The following SH2B1 variants were observed in gnomAD, a reference collection of about 807,000 sequenced individuals.
The protein encoded by SH2B1 is SH2B adaptor protein 1, also known as SH2B adapter protein 1.
SH2B1 carries 15 observed loss-of-function variants against 62.6 expected under a neutral mutation model. That is an observed-to-expected ratio of 0.24 (90% confidence interval 0.16 to 0.37). The LOEUF (loss-of-function observed/expected upper bound fraction) is 0.37, where lower values mean the gene tolerates loss of function less well. Among genes scored for constraint, SH2B1 ranks in the 10% least tolerant of loss-of-function variants. The pLI is 1.00. For missense variants in SH2B1, 925 were observed against 1,015.6 expected (o/e 0.91, Z 1.21); for synonymous variants, 443 against 438.0 (o/e 1.01, Z -0.14).
At chr16:28,853,653 C>T (rs1962258262) in intron 1 of SH2B1, among the ~76,000 whole-genome samples, 1 of 151,532 alleles carries the variant, frequency 6.6e-6, no homozygotes, top group Admixed American at 6.6e-5. Context: ...TCACGCCCAG[C>T]CCCCAATACC....
In SH2B1 at chr16:28,872,892, A is replaced by T; in HGVS notation, c.1897+187A>T. On this transcript the variant is annotated intron_variant, in intron 7 of 7. Transcript: ENST00000684370. The surrounding 1 kb of genome is among the most constrained non-coding windows in gnomAD (Gnocchi z 5.3). ...AAGAAATGCGCTGATAGGACACAGG[A>T]AGGCAGAAGGCTCCTGGCCGGAGCC... 1 of 798,380 alleles carries T rather than the reference A, an allele frequency of 1.3e-6. No individual in the cohort carries two copies. Among genetic ancestry groups the T allele is most frequent in the Non-Finnish European group, 2.0e-6 (1 of 498,340 alleles). 49.5% of individuals were successfully genotyped at this position (798,380 alleles called of 1,614,324 possible). A position where few individuals can be genotyped will look rare whatever the true frequency, so the allele number is the denominator to read the frequency against.
chr16:28,869,515 A>T (rs1962916853), intron 4 of SH2B1, 132 bp downstream of exon 4: 2 of 766,586 alleles, frequency 2.6e-6, no homozygotes, highest in Non-Finnish European at 4.1e-6. Flanking sequence ...CCCCAACCCC[A>T]CCAAATGTTG....
At chr16:28,862,010 C>A (rs573542499), upstream of SH2B1, among the ~76,000 whole-genome samples, 1 of 152,312 alleles carries the variant, frequency 6.6e-6, no homozygotes, top group South Asian at 2.1e-4. Context: ...AGATGGTGAG[C>A]CACAGGTTCC....
intron 2 of SH2B1, among the ~76,000 whole-genome samples, 178 bp downstream of exon 2, chr16:28,867,610 T>C (rs1962790138): frequency 6.6e-6 from 1 of 152,210 alleles, no homozygotes; most frequent in South Asian, 2.1e-4. Context: ...GTTCTTACTC[T>C]CAAAAACAAT....
rs1384715265 is a variant in SH2B1, at chr16:28,864,217, C to T, written c.-1878C>T. ...GTCCGAGCCGAGAGCGGAGCCTGCA[C>T]CCTCCACCTCCCGCCCTTCGGGAAA... On this transcript the variant is annotated 5_prime_UTR_variant, in exon 1 of 8. Transcript: ENST00000684370. The T allele has an allele frequency of 1.9e-6, 2 of 1,026,630 alleles. No homozygotes were observed. Among genetic ancestry groups the T allele is most frequent in the Non-Finnish European group, 2.3e-6 (2 of 855,382 alleles). The allele number at this position is 1,026,630 out of a possible 1,614,324, so 63.6% of individuals were successfully genotyped here.
rs965697057 is a variant in SH2B1 at position 28,864,032 on chromosome 16, G to A, written c.-2063G>A. 2 of 1,395,276 alleles carry A rather than the reference G, an allele frequency of 1.4e-6. No individual in the cohort carries two copies. The highest frequency in any genetic ancestry group is 2.9e-5 in the African/African-American group (2 of 68,236). 86.4% of individuals were successfully genotyped at this position (1,395,276 alleles called of 1,614,324 possible). On this transcript the variant is annotated 5_prime_UTR_variant, in exon 1 of 8. Transcript: ENST00000684370. ...GGCGCCCGAGAGGATTCCTGGGTGG[G>A]GGTGGGCGTGGAGGGCCGGGGGCTG...
intron 1 of SH2B1, among the ~76,000 whole-genome samples, chr16:28,857,739 T>A (rs1426082428): frequency 1.2e-5 from 1 of 86,922 alleles, no homozygotes; most frequent in Admixed American, 1.1e-4. Context: ...GTGTCCGGAG[T>A]TCTTTTTTTT....
chr16:28,873,067 C>G lies in SH2B1; in HGVS notation c.1897+362C>G. The G allele has an allele frequency of 1.2e-6, 1 of 820,250 alleles. No individual in the cohort carries two copies. Among genetic ancestry groups the G allele is most frequent in the Non-Finnish European group, 1.9e-6 (1 of 532,008 alleles). 50.8% of individuals were successfully genotyped at this position (820,250 alleles called of 1,614,324 possible). ...CCTGCCCTTCCCGGGGACACTCGGT[C>G]TGATCCCCTTCCCTCCTCCCTCAAT... is the stretch of plus-strand genomic sequence containing the variant. On this transcript the variant is annotated intron_variant, in intron 7 of 7. Transcript: ENST00000684370. The surrounding 1 kb of genome is among the most constrained non-coding windows in gnomAD (Gnocchi z 4.2).
At chr16:28,862,642 G>A (rs1962486359), upstream of SH2B1, 1 of 125,764 alleles carries the variant, frequency 8.0e-6, no homozygotes, top group African/African-American at 3.0e-5. Flanking sequence ...TTGATAGGGA[G>A]TCTAGCTCTG....
chr16:28,873,977 C>T lies in SH2B1; in HGVS notation c.*157C>T. The T allele has an allele frequency of 1.5e-6, 1 of 674,504 alleles. No individual in the cohort carries two copies. 41.8% of individuals were successfully genotyped at this position (674,504 alleles called of 1,614,324 possible). A position where few individuals can be genotyped will look rare whatever the true frequency, so the allele number is the denominator to read the frequency against. ...GGTACAAGCAGAGGCTCGGGAGAGGCTCCCGTCACACACTACAGGTCCCCT... is the reference window on the plus strand; with the variant it reads ...GGTACAAGCAGAGGCTCGGGAGAGGTTCCCGTCACACACTACAGGTCCCCT... On this transcript the variant is annotated 3_prime_UTR_variant, in exon 8 of 8. Coordinates refer to ENST00000684370, the MANE Select transcript of SH2B1 (RefSeq NM_001387430.1). The surrounding 1 kb of genome is among the most constrained non-coding windows in gnomAD (Gnocchi z 4.2).
In SH2B1 at chr16:28,866,157, C is replaced by T. The variant is rs778108707; in HGVS notation, c.63C>T (p.Pro21=). 17 of 1,552,100 alleles carry T rather than the reference C, an allele frequency of 1.1e-5. No individual in the cohort carries two copies. Among genetic ancestry groups the T allele is most frequent in the Non-Finnish European group, 1.3e-5 (15 of 1,150,400 alleles). ...ASPSSPPLPP[P]PPPSWREFCE... Reference sequence around the variant, plus strand: ...CCTCGTCTCCCCCGCTGCCCCCACCCCCGCCCCCTAGTTGGCGGGAGTTCT... The same window carrying T: ...CCTCGTCTCCCCCGCTGCCCCCACCTCCGCCCCCTAGTTGGCGGGAGTTCT... The change falls in exon 1 of 8, where the codon CCC becomes CCT. Residue 21 remains proline, a synonymous_variant. Coordinates refer to ENST00000684370, the MANE Select transcript of SH2B1 (RefSeq NM_001387430.1). The surrounding 1 kb of genome is among the most constrained non-coding windows in gnomAD (Gnocchi z 6.3).
upstream of SH2B1, chr16:28,863,539 G>A: frequency 2.6e-6 from 2 of 780,084 alleles, no homozygotes; most frequent in Non-Finnish European, 4.0e-6. Context: ...CCTCAGCCGG[G>A]CCCTGGGACT....
upstream of SH2B1, among the ~76,000 whole-genome samples, chr16:28,859,109 T>G (rs1962382675): frequency 6.6e-6 from 1 of 151,904 alleles, no homozygotes; most frequent in East Asian, 2.0e-4. Flanking sequence ...ACCTGGCTAA[T>G]TTTTTTGTAT....
chr16:28,872,905 C>T lies in SH2B1; in HGVS notation c.1897+200C>T, dbSNP rs1477792200. Reference sequence around the variant, plus strand: ...ATAGGACACAGGAAGGCAGAAGGCTCCTGGCCGGAGCCGGGGCGGCAGCTG... The same window carrying T: ...ATAGGACACAGGAAGGCAGAAGGCTTCTGGCCGGAGCCGGGGCGGCAGCTG... On this transcript the variant is annotated intron_variant, in intron 7 of 7. Transcript: ENST00000684370. The surrounding 1 kb of genome is among the most constrained non-coding windows in gnomAD (Gnocchi z 5.3). 2.6e-6 allele frequency: 2 copies of T among 759,230 alleles called. No homozygotes were observed. Among genetic ancestry groups the T allele is most frequent in the African/African-American group, 1.7e-5 (1 of 57,282 alleles). 47.0% of individuals were successfully genotyped at this position (759,230 alleles called of 1,614,324 possible). A position where few individuals can be genotyped will look rare whatever the true frequency, so the allele number is the denominator to read the frequency against.
chr16:28,852,082 G>T (rs1002700321), intron 1 of SH2B1, among the ~76,000 whole-genome samples: 12 of 146,862 alleles, frequency 8.2e-5, no homozygotes, highest in African/African-American at 3.0e-4. Flanking sequence ...AAAGAAAAAA[G>T]AAATTTAAAA....
At chr16:28,867,707 A>G (rs1962798004) in intron 2 of SH2B1, among the ~76,000 whole-genome samples, 1 of 152,204 alleles carries the variant, frequency 6.6e-6, no homozygotes, top group Non-Finnish European at 1.5e-5. Context: ...GGAGTGCAGC[A>G]ACCTGATCAT....
chr16:28,864,003 C>T lies in SH2B1; in HGVS notation c.-2092C>T. ...TACCTTTTCCCTCTCCGCGACCCGG[C>T]CCTGGCGCCCGAGAGGATTCCTGGG... On this transcript the variant is annotated 5_prime_UTR_variant, in exon 1 of 8. Coordinates refer to ENST00000684370, the MANE Select transcript of SH2B1 (RefSeq NM_001387430.1). The T allele has an allele frequency of 2.1e-6, 3 of 1,412,244 alleles. No individual in the cohort carries two copies. Among genetic ancestry groups the T allele is most frequent in the Non-Finnish European group, 2.8e-6 (3 of 1,086,346 alleles). The allele number at this position is 1,412,244 out of a possible 1,614,324, so 87.5% of individuals were successfully genotyped here. A position where few individuals can be genotyped will look rare whatever the true frequency, so the allele number is the denominator to read the frequency against.
At chr16:28,870,977 G>A (rs1962991149) in intron 4 of SH2B1, among the ~76,000 whole-genome samples, 1 of 150,922 alleles carries the variant, frequency 6.6e-6, no homozygotes, top group South Asian at 2.1e-4. Flanking sequence ...GTGAGCCACT[G>A]TGTGCAGCCA....
In SH2B1 at chr16:28,852,317, C is replaced by CATATATATATTTACAT. The variant is rs1962130893; in HGVS notation, c.-301+5497_-301+5512dup. Among the ~76,000 whole-genome samples the CATATATATATTTACAT allele has an allele frequency of 6.5e-5, 3 of 45,848 alleles. 1 individual carries two copies. Among genetic ancestry groups the CATATATATATTTACAT allele is most frequent in the Non-Finnish European group, 1.2e-4 (3 of 24,766 alleles). The allele number at this position is 45,848 out of a possible 152,430, so 30.1% of individuals were successfully genotyped here. A position where few individuals can be genotyped will look rare whatever the true frequency, so the allele number is the denominator to read the frequency against. On this transcript the variant is annotated intron_variant, in intron 1 of 10. Coordinates refer to the SH2B1 transcript ENST00000322610. ...ATATATATTTACATATATATATTTA[C>CATATATATATTTACAT]ATATATATATTTACATATATATTTA...
Sources: allele counts gnomAD v4.1 joint callset (sites outside exome capture counted in the v4.1 genomes callset), GRCh38; gene constraint gnomAD v4.1.1; non-coding constraint Gnocchi (gnomAD v3.1); transcripts MANE v1.5; gene names NCBI Gene and HGNC (gene_info 2026-07-23, HGNC 2026-07-21).